Variants in PLCH1 observed in about 807,000 individuals in gnomAD.
PLCH1 encodes the protein 1-phosphatidylinositol 4,5-bisphosphate phosphodiesterase eta-1.
PLCH1 carries 60 observed loss-of-function variants against 126.7 expected under a neutral mutation model. That is an observed-to-expected ratio of 0.47 (90% CI 0.38 to 0.59). The LOEUF is 0.59. Among genes scored for constraint, PLCH1 ranks in the 20% least tolerant of loss-of-function variants. The probability of loss-of-function intolerance (pLI) is 0.00; values close to 1 mark genes in which losing one functional copy is unlikely to be tolerated. For missense variants in PLCH1, 1,723 were observed against 2,040.0 expected, an observed-to-expected ratio of 0.84 and a Z score of 2.99; for synonymous variants, 719 against 734.9, an observed-to-expected ratio of 0.98 and a Z score of 0.35.
Position 155,482,187 on chromosome 3 carries a change from T to G in PLCH1, c.3839A>C (p.Asp1280Ala), listed in dbSNP as rs753371351. 6.2e-7 allele frequency: 1 copy of G among 1,614,184 alleles called. No individual in the cohort carries two copies. Among genetic ancestry groups the G allele is most frequent in the East Asian group, 2.2e-5 (1 of 44,884 alleles). Residue 1280 changes from aspartate (D) to alanine (A), a missense_variant, in exon 23 of 23, where the codon GAT becomes GCT. This residue lies in a region of PLCH1 where 947 missense variants were observed against 977.1 expected (regional missense o/e 0.97). Transcript: ENST00000460012. ...TCTPISKTKP[D>A]DDLSSKAKTA... The stretch of plus-strand genomic sequence containing the variant: ...CTTGGCCTTACTAGAAAGGTCATCA[T>G]CTGGTTTGGTTTTAGAGATGGGAGT...
rs893646091 is a variant in PLCH1, at chr3:155,485,039, A to C, written c.2974+317T>G. On this transcript the variant is annotated intron_variant, in intron 22 of 22. Transcript: ENST00000460012. Reference sequence around the variant, plus strand: ...CTCAAAACAAATCAGTAAATATGGCACTCATTTGGAAAATCAATATTTCAA... The same window carrying C: ...CTCAAAACAAATCAGTAAATATGGCCCTCATTTGGAAAATCAATATTTCAA... Among the ~76,000 whole-genome samples the C allele has an allele frequency of 3.3e-5, 5 of 152,240 alleles. No individual in the cohort carries two copies. In the South Asian group the frequency reaches 1.0e-3, roughly 32 times the overall value.
At chr3:155,583,411 G>T in intron 6 of PLCH1, 61 bp downstream of exon 6, 1 of 1,353,552 alleles carries the variant, frequency 7.4e-7, no homozygotes, top group Non-Finnish European at 1.0e-6. Flanking sequence ...AACCCCAAAA[G>T]AAAGACATAT....
intron 2 of PLCH1, among the ~76,000 whole-genome samples, chr3:155,602,830 C>T (rs550362349): frequency 6.6e-6 from 1 of 152,278 alleles, no homozygotes; most frequent in Non-Finnish European, 1.5e-5. Context: ...TCTACACACA[C>T]ACACATATAT....
At chr3:155,715,377 C>T (rs534172431) in intron 1 of PLCH1, among the ~76,000 whole-genome samples, 2 of 152,206 alleles carry the variant, frequency 1.3e-5, no homozygotes, top group African/African-American at 2.4e-5. Flanking sequence ...TCACAGCTCA[C>T]GGCAACCTCT....
intron 2 of PLCH1, among the ~76,000 whole-genome samples, chr3:155,638,241 A>G (rs1360775306): frequency 1.3e-5 from 2 of 152,226 alleles, no homozygotes; most frequent in Non-Finnish European, 2.9e-5. Flanking sequence ...GGTTTACCTA[A>G]TGGTCTCTTT....
Position 155,537,201 on chromosome 3 carries a change from C to CAAAAAA in PLCH1, c.1362+12585_1362+12586insTTTTTT, listed in dbSNP as rs1560128167. Reference sequence around the variant, plus strand: ...GCTAGCACTACAAAAAAAAAAAAAACCAAAAAAAAAAAAAAAAAAAAAAAA... The same window carrying CAAAAAA: ...GCTAGCACTACAAAAAAAAAAAAAACAAAAAACAAAAAAAAAAAAAAAAAAAAAAAA... On this transcript the variant is annotated intron_variant, in intron 10 of 22. Coordinates refer to ENST00000460012, the MANE Select transcript of PLCH1 (RefSeq NM_014996.4). Among the ~76,000 whole-genome samples, 5 of 132,112 alleles carry CAAAAAA rather than the reference C, an allele frequency of 3.8e-5. 1 individual carries two copies. Among genetic ancestry groups the CAAAAAA allele is most frequent in the African/African-American group, 1.5e-4 (5 of 33,568 alleles). 86.7% of individuals were successfully genotyped at this position (132,112 alleles called of 152,430 possible). A position where few individuals can be genotyped will look rare whatever the true frequency, so the allele number is the denominator to read the frequency against.
rs56022414 is a variant in PLCH1 at position 155,584,851 on chromosome 3, C to A, written c.601-1209G>T. Among the ~76,000 whole-genome samples the A allele has an allele frequency of 7.7e-3, 1,179 of 152,236 alleles. 11 individuals are homozygous for A. Among genetic ancestry groups the A allele is most frequent in the South Asian group, 0.028 (133 of 4,822 alleles). On this transcript the variant is annotated intron_variant, in intron 5 of 22. Coordinates refer to ENST00000460012, the MANE Select transcript of PLCH1 (RefSeq NM_014996.4). ...GTATAGGTACAGACTTTGTCCCCCCCCTTTAGGATTGGCCTCTTACATTGA... is the reference window on the plus strand; with the variant it reads ...GTATAGGTACAGACTTTGTCCCCCCACTTTAGGATTGGCCTCTTACATTGA...
chr3:155,453,932 A>C (rs1347811519), intron 21 of PLCH1, among the ~76,000 whole-genome samples: 4 of 152,102 alleles, frequency 2.6e-5, no homozygotes, highest in African/African-American at 4.8e-5. Context: ...AATTATGCAT[A>C]AGTCAGAAAG....
At chr3:155,608,369 T>C (rs1316229706) in intron 2 of PLCH1, among the ~76,000 whole-genome samples, 1 of 152,170 alleles carries the variant, frequency 6.6e-6, no homozygotes, top group African/African-American at 2.4e-5. Context: ...TGGCTGACAG[T>C]GTGAGCAGGC....
chr3:155,694,952 CTTTTT>C (rs201292066), intron 2 of PLCH1, among the ~76,000 whole-genome samples: 2 of 115,254 alleles, frequency 1.7e-5, no homozygotes, highest in Non-Finnish European at 1.7e-5. Flanking sequence ...AAAGCTAGTG[CTTTTT>C]TTTTTTTTTT....
intron 2 of PLCH1, among the ~76,000 whole-genome samples, chr3:155,678,916 A>C (rs925600681): frequency 2.6e-5 from 4 of 152,224 alleles, no homozygotes; most frequent in African/African-American, 7.2e-5. Flanking sequence ...TTCTGAGTTC[A>C]GCTTCTAAAT....
At chr3:155,689,843 C>G (rs1310346055) in intron 2 of PLCH1, among the ~76,000 whole-genome samples, 2 of 151,856 alleles carry the variant, frequency 1.3e-5, no homozygotes, top group African/African-American at 4.8e-5. Context: ...AGTAGAGAGA[C>G]AGAAGTAGAA....
At chr3:155,540,486 T>C (rs528227033) in intron 10 of PLCH1, among the ~76,000 whole-genome samples, 1 of 152,242 alleles carries the variant, frequency 6.6e-6, no homozygotes, top group South Asian at 2.1e-4. Context: ...CTTCACAAAC[T>C]ATGTATCTGA....
At chr3:155,738,676 A>G (rs1247975631) in intron 1 of PLCH1, among the ~76,000 whole-genome samples, 5 of 151,970 alleles carry the variant, frequency 3.3e-5, no homozygotes, top group Admixed American at 2.0e-4. Flanking sequence ...AATGCCAGCT[A>G]CTAGGGAGGT....
chr3:155,736,728 G>A (rs913890237), intron 1 of PLCH1, among the ~76,000 whole-genome samples: 1 of 152,116 alleles, frequency 6.6e-6, no homozygotes, highest in African/African-American at 2.4e-5. Context: ...ATGCAATGAG[G>A]CTTATGAAGA....
chr3:155,564,391 G>A (rs1577020961), intron 8 of PLCH1, among the ~76,000 whole-genome samples: 2 of 151,832 alleles, frequency 1.3e-5, no homozygotes, highest in Admixed American at 6.6e-5. Context: ...GTGAAACCCC[G>A]TCTCTACTAA....
chr3:155,676,293 C>T, intron 2 of PLCH1: 5 of 1,154,578 alleles, frequency 4.3e-6, no homozygotes, highest in African/African-American at 1.6e-5. Flanking sequence ...AAAGCACAGC[C>T]AGATAAGCAC....
At chr3:155,537,201 C>CAAAAAAAAAAAAAAAAAAAAAAAAAAAA (rs1560128167) in intron 10 of PLCH1, among the ~76,000 whole-genome samples, 4 of 132,108 alleles carry the variant, frequency 3.0e-5, no homozygotes, top group African/African-American at 1.2e-4. Flanking sequence ...AAAAAAAAAA[C>CAAAAAAAAAAAAAAAAAAAAAAAAAAAA]CAAAAAAAAA....
intron 8 of PLCH1, among the ~76,000 whole-genome samples, chr3:155,555,330 G>T (rs796693911): frequency 3.1e-4 from 47 of 152,254 alleles, no homozygotes; most frequent in African/African-American, 1.1e-3. Context: ...TGAAATGTGG[G>T]CAGAAAGTAT....
Sources: allele counts gnomAD v4.1 joint callset (sites outside exome capture counted in the v4.1 genomes callset), GRCh38; gene constraint gnomAD v4.1.1; regional missense constraint gnomAD v4.1.1; transcripts MANE v1.5; gene names NCBI Gene and HGNC (gene_info 2026-07-23, HGNC 2026-07-21).